CTTNBP2: variants seen among roughly 807,000 people sequenced by gnomAD.
CTTNBP2 encodes the protein cortactin-binding protein 2.
CTTNBP2 carries 108 observed loss-of-function variants against 156.9 expected under a neutral mutation model. The observed-to-expected ratio is 0.69, with a 90% CI of 0.59 to 0.81. The LOEUF (loss-of-function observed/expected upper bound fraction) is 0.81, where lower values mean the gene tolerates loss of function less well. Among genes scored for constraint, CTTNBP2 ranks in the 30% least tolerant of loss-of-function variants. CTTNBP2 has a pLI of 0.00. For synonymous variants in CTTNBP2, 767 were observed against 751.8 expected (o/e 1.02, Z -0.33); for missense variants, 1,924 against 2,035.4 (o/e 0.95, Z 1.05).
intron 9 of CTTNBP2, among the ~76,000 whole-genome samples, chr7:117,762,815 A>G (rs1371797598): frequency 6.6e-6 from 1 of 152,162 alleles, no homozygotes; most frequent in Non-Finnish European, 1.5e-5. Flanking sequence ...AAACACTGAA[A>G]TGGCTACTGC....
chr7:117,821,052 A>C (rs1177512184), intron 2 of CTTNBP2, among the ~76,000 whole-genome samples: 1 of 152,172 alleles, frequency 6.6e-6, no homozygotes, highest in Non-Finnish European at 1.5e-5. Flanking sequence ...AATAGTATGT[A>C]GGACTATAAC....
chr7:117,822,860 G>A (rs1408762225), intron 2 of CTTNBP2, among the ~76,000 whole-genome samples: 1 of 152,158 alleles, frequency 6.6e-6, no homozygotes, highest in Non-Finnish European at 1.5e-5. Flanking sequence ...CATCAAGGTG[G>A]CTGAGGGTGT....
chr7:117,784,203 C>T, intron 5 of CTTNBP2, 48 bp downstream of exon 5: 1 of 1,421,966 alleles, frequency 7.0e-7, no homozygotes, highest in Non-Finnish European at 9.5e-7. Context: ...GGGCTTTTGA[C>T]TTTCCATCCT....
chr7:117,801,905 T>C (rs1007257546), intron 3 of CTTNBP2, among the ~76,000 whole-genome samples: 4 of 151,726 alleles, frequency 2.6e-5, no homozygotes, highest in Non-Finnish European at 5.9e-5. Context: ...TTATTTTTTT[T>C]ATTTTTTTAT....
At chr7:117,737,794 G>A (rs1054301264) in intron 14 of CTTNBP2, among the ~76,000 whole-genome samples, 1 of 151,976 alleles carries the variant, frequency 6.6e-6, no homozygotes, top group Non-Finnish European at 1.5e-5. Flanking sequence ...TGGTCAGGCT[G>A]GTCTCAAAGT....
intron 14 of CTTNBP2, among the ~76,000 whole-genome samples, chr7:117,742,719 A>G (rs1021624469): frequency 7.2e-5 from 11 of 152,220 alleles, no homozygotes; most frequent in African/African-American, 2.7e-4. Context: ...TGAGGGGCCC[A>G]CAAATGAGAG....
chr7:117,758,550 T>G (rs2189388), intron 10 of CTTNBP2, among the ~76,000 whole-genome samples: 68,053 of 152,006 alleles, frequency 0.45, 19,819 homozygotes, highest in African/African-American at 0.82. Flanking sequence ...ATAAGTATTT[T>G]TTTTCATCTC....
intron 9 of CTTNBP2, among the ~76,000 whole-genome samples, chr7:117,761,599 C>A (rs1280343620): frequency 1.3e-5 from 2 of 152,136 alleles, no homozygotes; most frequent in African/African-American, 4.8e-5. Flanking sequence ...AGTTTAGGAA[C>A]TGTTAAAAAA....
intron 2 of CTTNBP2, among the ~76,000 whole-genome samples, chr7:117,831,343 C>A (rs764554591): frequency 1.3e-5 from 2 of 152,100 alleles, no homozygotes; most frequent in African/African-American, 4.8e-5. Flanking sequence ...TTCTCTCCAT[C>A]CAGTGTAGAG....
chr7:117,770,215 T>TA (rs1275044157), intron 8 of CTTNBP2, among the ~76,000 whole-genome samples: 2 of 152,178 alleles, frequency 1.3e-5, no homozygotes, highest in Non-Finnish European at 2.9e-5. Flanking sequence ...ATAAAAGGGG[T>TA]AACACAAGTT....
chr7:117,719,968 A>T (rs1794688657), intron 20 of CTTNBP2, among the ~76,000 whole-genome samples: 1 of 152,170 alleles, frequency 6.6e-6, no homozygotes, highest in African/African-American at 2.4e-5. Context: ...ATAAAATGGG[A>T]CAAACACGGA....
chr7:117,736,761 T>C (rs949613919), intron 14 of CTTNBP2, among the ~76,000 whole-genome samples: 6 of 152,216 alleles, frequency 3.9e-5, no homozygotes, highest in Admixed American at 3.3e-4. Flanking sequence ...AGTTAAAATG[T>C]ATTCTATATG....
intron 3 of CTTNBP2, among the ~76,000 whole-genome samples, chr7:117,794,545 C>T (rs761085192): frequency 1.3e-4 from 20 of 152,318 alleles, no homozygotes; most frequent in Middle Eastern, 3.4e-3. Flanking sequence ...TAAGTCCTGA[C>T]GATGTTCCTG....
chr7:117,822,052 T>G (rs1801001687), intron 2 of CTTNBP2, among the ~76,000 whole-genome samples: 1 of 152,176 alleles, frequency 6.6e-6, no homozygotes, highest in African/African-American at 2.4e-5. Context: ...GGGAAAAGTT[T>G]TTGATAGTGA....
rs188413971 is a variant in CTTNBP2 at position 117,768,629 on chromosome 7, A to C, written c.2779-1453T>G. The stretch of plus-strand genomic sequence containing the variant: ...ATATAATATTCACATAGAAGTGTAT[A>C]ACTTGAAGCATTATCACAAAGCACA... On this transcript the variant is annotated intron_variant, in intron 8 of 22. Transcript: ENST00000160373. Among the ~76,000 whole-genome samples, 1,109 of 152,092 alleles carry C rather than the reference A, an allele frequency of 7.3e-3. 6 individuals carry two copies. Among genetic ancestry groups the C allele is most frequent in the Non-Finnish European group, 0.012 (798 of 68,006 alleles).
chr7:117,818,026 C>T (rs1800723916), intron 2 of CTTNBP2, among the ~76,000 whole-genome samples: 1 of 152,146 alleles, frequency 6.6e-6, no homozygotes, highest in East Asian at 1.9e-4. Flanking sequence ...AAAATAATTA[C>T]TGTTTACAAC....
intron 9 of CTTNBP2, among the ~76,000 whole-genome samples, chr7:117,761,991 C>T (rs1311589479): frequency 1.3e-5 from 2 of 152,204 alleles, no homozygotes; most frequent in African/African-American, 4.8e-5. Flanking sequence ...TCCACAGTAT[C>T]TGACAAAAGT....
intron 2 of CTTNBP2, among the ~76,000 whole-genome samples, chr7:117,838,967 C>T (rs74302504): frequency 2.1e-5 from 2 of 94,916 alleles, no homozygotes; most frequent in Non-Finnish European, 4.2e-5. Context: ...ATTGCGGGGG[C>T]GGGGGGGGGG....
At position 117,725,049 on chromosome 7, in the gene CTTNBP2, T is replaced by C. The variant is rs1795013980; in HGVS notation, c.4261+3A>G. ...CCTCTCCTCTCTGCAGAAACCCACA[T>C]ACCTGCTCTGGGGAGGGGACAGCCA... On this transcript the variant is annotated splice_donor_region_variant and intron_variant, in intron 18 of 22. Coordinates refer to ENST00000160373, the MANE Select transcript of CTTNBP2 (RefSeq NM_033427.3). The C allele has an allele frequency of 1.2e-6, 2 of 1,611,766 alleles. No homozygotes were observed. Among genetic ancestry groups the C allele is most frequent in the Non-Finnish European group, 1.7e-6 (2 of 1,179,582 alleles).
Sources: allele counts gnomAD v4.1 joint callset (sites outside exome capture counted in the v4.1 genomes callset), GRCh38; gene constraint gnomAD v4.1.1; transcripts MANE v1.5; gene names NCBI Gene and HGNC (gene_info 2026-07-23, HGNC 2026-07-21).